The following TAF1B variants were observed in gnomAD, a reference collection of about 807,000 sequenced individuals.
TAF1B encodes TATA box-binding protein-associated factor RNA polymerase I subunit B.
A neutral mutation model predicts 83.9 loss-of-function variants in TAF1B; 61 were observed. The observed-to-expected ratio is 0.73, with a 90% CI of 0.59 to 0.90. The LOEUF (loss-of-function observed/expected upper bound fraction) is 0.90, where lower values mean the gene tolerates loss of function less well. Among genes scored for constraint, TAF1B ranks in the 40% least tolerant of loss-of-function variants. The pLI, the probability that TAF1B is intolerant of heterozygous loss-of-function variation, is 0.00. For missense variants in TAF1B, 625 were observed against 677.0 expected (o/e 0.92, Z 0.85); for synonymous variants, 221 against 224.6 (o/e 0.98, Z 0.14).
At chr2:9,846,286 C>A (rs1321353095) in intron 2 of TAF1B, 1 of 364,284 alleles carries the variant, frequency 2.7e-6, no homozygotes, top group East Asian at 7.3e-5. Flanking sequence ...ACGAGGCTAC[C>A]TTCACATTGT....
intron 12 of TAF1B, among the ~76,000 whole-genome samples, chr2:9,915,288 G>GA (rs910522071): frequency 9.2e-5 from 14 of 151,820 alleles, no homozygotes; most frequent in Non-Finnish European, 1.9e-4. Flanking sequence ...ATCTATAAAA[G>GA]AAAAAAAATT....
intron 12 of TAF1B, among the ~76,000 whole-genome samples, chr2:9,918,067 G>A (rs13008782): frequency 0.2 from 28,763 of 145,576 alleles, 3,521 homozygotes; most frequent in Non-Finnish European, 0.28. Context: ...GCGAGACTCC[G>A]TCTCAAAAAA....
At chr2:9,871,734 T>C (rs972193532) in intron 6 of TAF1B, among the ~76,000 whole-genome samples, 14 of 152,098 alleles carry the variant, frequency 9.2e-5, no homozygotes, top group Non-Finnish European at 1.8e-4. Context: ...TTAAATCTTT[T>C]CCCCCCGAGC....
chr2:9,920,379 T>C lies in TAF1B; in HGVS notation c.1565+559T>C, dbSNP rs551897344. Reference sequence around the variant, plus strand: ...TTTATCTCTTCGGTCTCCTTTAATCTGATTGTCCCTCAGCCTTTCTTTGTC... The same window carrying C: ...TTTATCTCTTCGGTCTCCTTTAATCCGATTGTCCCTCAGCCTTTCTTTGTC... On this transcript the variant is annotated intron_variant, in intron 14 of 14. Coordinates refer to ENST00000263663, the MANE Select transcript of TAF1B (RefSeq NM_005680.3). 2.6e-5 allele frequency among the ~76,000 whole-genome samples: 4 copies of C among 152,338 alleles called. No individual in the cohort carries two copies. The South Asian group carries it at 8.3e-4, about 32-fold the overall frequency.
chr2:9,885,914 G>C (rs1434513451), intron 8 of TAF1B, among the ~76,000 whole-genome samples: 2 of 152,098 alleles, frequency 1.3e-5, no homozygotes, highest in Admixed American at 1.3e-4. Context: ...AGCTCCTCAG[G>C]AACAGACATC....
At chr2:9,924,778 C>T (rs1273024477) in intron 14 of TAF1B, among the ~76,000 whole-genome samples, 2 of 152,130 alleles carry the variant, frequency 1.3e-5, no homozygotes, top group African/African-American at 4.8e-5. Flanking sequence ...TCTGAGTGTT[C>T]AGAAGAAACA....
rs532143855 is a variant in TAF1B, at chr2:9,855,483, G to A, written c.399+1062G>A. Among the ~76,000 whole-genome samples the A allele has an allele frequency of 3.3e-4, 50 of 152,166 alleles. 1 individual carries two copies. In the Middle Eastern group the frequency reaches 0.01, roughly 31 times the overall value. On this transcript the variant is annotated intron_variant, in intron 5 of 14. Coordinates refer to ENST00000263663, the MANE Select transcript of TAF1B (RefSeq NM_005680.3). ...TGCTTGAGCCCAGAAGTTCAAGACC[G>A]GCCTGGGTAACATAATGAGACCCCA...
chr2:9,927,553 G>A (rs1204073319), intron 14 of TAF1B, among the ~76,000 whole-genome samples: 1 of 152,118 alleles, frequency 6.6e-6, no homozygotes, highest in Non-Finnish European at 1.5e-5. Context: ...ACTTTTTATT[G>A]ATTGCCATTC....
chr2:9,919,017 C>T, intron 12 of TAF1B, 24 bp from the exon 13 acceptor site: 1 of 1,597,860 alleles, frequency 6.3e-7, no homozygotes, highest in South Asian at 1.1e-5. Context: ...CGTCCTGCTC[C>T]AGCTGTTTCT....
chr2:9,913,117 G>A, intron 11 of TAF1B, 42 bp from the exon 12 acceptor site: 2 of 1,475,174 alleles, frequency 1.4e-6, no homozygotes, highest in Admixed American at 1.9e-5. Context: ...TTATTATAGT[G>A]TGGTTTATTT....
intron 7 of TAF1B, among the ~76,000 whole-genome samples, chr2:9,880,896 A>G (rs1028532935): frequency 2.0e-5 from 3 of 152,230 alleles, no homozygotes; most frequent in Non-Finnish European, 1.5e-5. Flanking sequence ...TCACAATAAT[A>G]CAAATACTGA....
At chr2:9,920,817 A>G (rs1572287800) in intron 14 of TAF1B, among the ~76,000 whole-genome samples, 1 of 152,200 alleles carries the variant, frequency 6.6e-6, no homozygotes, top group African/African-American at 2.4e-5. Context: ...CTAGAAAACA[A>G]CACGCGCTTT....
rs995366673 is a variant in TAF1B at position 9,920,397 on chromosome 2, T to TA, written c.1565+577_1565+578insA. Among the ~76,000 whole-genome samples, 30 of 152,304 alleles carry TA rather than the reference T, an allele frequency of 2.0e-4. 1 individual carries two copies. In the Middle Eastern group the frequency reaches 0.01, roughly 52 times the overall value. ...TTTAATCTGATTGTCCCTCAGCCTT[T>TA]CTTTGTCTTTCATGACATTGAGCTG... On this transcript the variant is annotated intron_variant, in intron 14 of 14. Coordinates refer to ENST00000263663, the MANE Select transcript of TAF1B (RefSeq NM_005680.3).
At chr2:9,873,501 T>C (rs1664231268) in intron 6 of TAF1B, among the ~76,000 whole-genome samples, 1 of 152,074 alleles carries the variant, frequency 6.6e-6, no homozygotes, top group Non-Finnish European at 1.5e-5. Flanking sequence ...TAGTCCCACC[T>C]CTCCTTCAAA....
chr2:9,930,219 C>T (rs1183687184), intron 14 of TAF1B, among the ~76,000 whole-genome samples: 1 of 152,002 alleles, frequency 6.6e-6, no homozygotes, highest in Non-Finnish European at 1.5e-5. Context: ...CTTCTGCTAG[C>T]TTTTGAATTT....
At chr2:9,923,221 G>C (rs369577644) in intron 14 of TAF1B, among the ~76,000 whole-genome samples, 1 of 132,300 alleles carries the variant, frequency 7.6e-6, no homozygotes, top group African/African-American at 2.8e-5. Flanking sequence ...CTGGGCGACA[G>C]AGCAAGACTC....
At chr2:9,891,104 A>G (rs1051488791) in intron 8 of TAF1B, among the ~76,000 whole-genome samples, 2 of 152,232 alleles carry the variant, frequency 1.3e-5, no homozygotes, top group East Asian at 1.9e-4. Flanking sequence ...CAATACAGTC[A>G]TGTGCTGTAT....
At chr2:9,886,097 A>G (rs1971101) in intron 8 of TAF1B, among the ~76,000 whole-genome samples, 91,097 of 149,624 alleles carry the variant, frequency 0.61, 27,553 homozygotes, top group East Asian at 0.68. Flanking sequence ...TTGAGGTAGT[A>G]TATTCAAAAT....
intron 5 of TAF1B, among the ~76,000 whole-genome samples, chr2:9,855,839 A>G (rs1663546601): frequency 6.6e-6 from 1 of 152,108 alleles, no homozygotes; most frequent in South Asian, 2.1e-4. Context: ...TGAATATCTC[A>G]TGTAATTTAT....
Sources: gnomAD v4.1 joint callset for allele counts (sites outside exome capture counted in the v4.1 genomes callset) on GRCh38, gnomAD v4.1.1 for gene constraint, MANE v1.5 for transcripts, NCBI Gene and HGNC (gene_info 2026-07-23, HGNC 2026-07-21) for gene names.